MX1: variants seen among roughly 807,000 people sequenced by gnomAD.
MX1 encodes MX dynamin like GTPase 1, also known as interferon-induced GTP-binding protein Mx1.
In MX1, 66 loss-of-function variants were observed where a neutral mutation model predicts 66.4. The observed-to-expected ratio is 0.99, with a 90% CI of 0.82 to 1.22. The LOEUF (loss-of-function observed/expected upper bound fraction) is 1.22. Among genes scored for constraint, MX1 ranks in the 50% most tolerant of loss-of-function variants. The pLI is 0.00. For synonymous variants in MX1, 311 were observed against 318.1 expected (o/e 0.98, Z 0.24); for missense variants, 787 against 834.3 (o/e 0.94, Z 0.70).
intron 8 of MX1, 150 bp from the exon 9 acceptor site, chr21:41,440,737 G>A (rs2090483391): frequency 1.1e-6 from 1 of 881,642 alleles, no homozygotes; most frequent in Non-Finnish European, 1.8e-6. Flanking sequence ...CCAGGGTTGT[G>A]TTTGTGGGTT....
chr21:41,428,820 A>G (rs1454130193), intron 3 of MX1: 1 of 152,262 alleles, frequency 6.6e-6, no homozygotes, highest in African/African-American at 2.4e-5. Flanking sequence ...AATGCTACCT[A>G]GTGAGTGCCT....
upstream of MX1, among the ~76,000 whole-genome samples, chr21:41,425,359 G>A (rs1028849374): frequency 5.3e-5 from 8 of 152,180 alleles, no homozygotes; most frequent in Non-Finnish European, 1.0e-4. Context: ...CTCAAGGGTG[G>A]GGAGAATTAC....
rs935840761 is a variant in MX1 at position 41,441,131 on chromosome 21, G to T, written c.730+106G>T. 1.1e-5 allele frequency: 12 copies of T among 1,132,620 alleles called. No homozygotes were observed. The highest frequency in any genetic ancestry group is 1.5e-5 in the Non-Finnish European group (12 of 808,410). The allele number at this position is 1,132,620 out of a possible 1,614,324, so 70.2% of individuals were successfully genotyped here. A position where few individuals can be genotyped will look rare whatever the true frequency, so the allele number is the denominator to read the frequency against. ...GTGCTCGGTGAGAATGGGGGAGCCC[G>T]CCTGTGCTCGGTGAGAATGGGGGAG... On this transcript the variant is annotated intron_variant, in intron 9 of 16. Coordinates refer to ENST00000398598, the MANE Select transcript of MX1 (RefSeq NM_002462.5). The surrounding 1 kb of genome is among the most constrained non-coding windows in gnomAD (Gnocchi z 4.0).
chr21:41,441,237 A>G lies in MX1; in HGVS notation c.730+212A>G. 1.5e-6 allele frequency: 1 copy of G among 653,132 alleles called. No individual in the cohort carries two copies. The highest frequency in any genetic ancestry group is 2.5e-6 in the Non-Finnish European group (1 of 402,278). 40.5% of individuals were successfully genotyped at this position (653,132 alleles called of 1,614,324 possible). Reference sequence around the variant, plus strand: ...CTTTGCTCAGTGGGGACCTGCCTCCACTAAGACCTGCTAAGGGAGCAGGTT... The same window carrying G: ...CTTTGCTCAGTGGGGACCTGCCTCCGCTAAGACCTGCTAAGGGAGCAGGTT... On this transcript the variant is annotated intron_variant, in intron 9 of 16. Coordinates refer to ENST00000398598, the MANE Select transcript of MX1 (RefSeq NM_002462.5). This position sits in a 1 kb window ranked among gnomAD's most constrained non-coding sequence, Gnocchi z 4.0.
chr21:41,441,055 G>T lies in MX1; in HGVS notation c.730+30G>T. The stretch of plus-strand genomic sequence containing the variant: ...GAGTGGGGGAGCCCCACTGTGCTCA[G>T]TGAGAATGGGGGAGCCCGCCTGTGC... On this transcript the variant is annotated intron_variant, in intron 9 of 16. Coordinates refer to ENST00000398598, the MANE Select transcript of MX1 (RefSeq NM_002462.5). The surrounding 1 kb of genome is among the most constrained non-coding windows in gnomAD (Gnocchi z 4.0). 2 of 1,504,062 alleles carry T rather than the reference G, an allele frequency of 1.3e-6. No individual in the cohort carries two copies. Among genetic ancestry groups the T allele is most frequent in the East Asian group, 2.3e-5 (1 of 44,242 alleles). 93.2% of individuals were successfully genotyped at this position (1,504,062 alleles called of 1,614,324 possible).
At chr21:41,455,066 T>C (rs1342010682) in intron 16 of MX1, among the ~76,000 whole-genome samples, 4 of 152,140 alleles carry the variant, frequency 2.6e-5, no homozygotes, top group Admixed American at 6.5e-5. Flanking sequence ...CTTGCCACCA[T>C]GCCTAGCTAT....
intron 6 of MX1, 125 bp from the exon 7 acceptor site, chr21:41,436,890 A>G: frequency 8.2e-7 from 1 of 1,221,696 alleles, no homozygotes; most frequent in Non-Finnish European, 1.1e-6. Flanking sequence ...GGGTAAGACC[A>G]GAAAGTTTCC....
At chr21:41,444,639 G>A (rs181075690) in intron 11 of MX1, among the ~76,000 whole-genome samples, 1 of 152,172 alleles carries the variant, frequency 6.6e-6, no homozygotes, top group African/African-American at 2.4e-5. Context: ...AGCCGACCAT[G>A]ATGAGTGCAG....
chr21:41,434,882 G>C (rs1425735496), intron 5 of MX1, among the ~76,000 whole-genome samples: 1 of 152,196 alleles, frequency 6.6e-6, no homozygotes, highest in South Asian at 2.1e-4. Flanking sequence ...CCTTTGTATA[G>C]ATCCAGATTT....
chr21:41,428,360 T>G (rs1277976413), intron 3 of MX1: 1 of 146,528 alleles, frequency 6.8e-6, no homozygotes, highest in Non-Finnish European at 1.5e-5. Flanking sequence ...GAGCAGACAT[T>G]CACAGTACAA....
At chr21:41,458,376 G>A (rs1461116217) in intron 16 of MX1, 152 bp from the exon 17 acceptor site, 16 of 828,248 alleles carry the variant, frequency 1.9e-5, no homozygotes, top group Non-Finnish European at 2.8e-5. Context: ...CCATGGAGGA[G>A]ATTGATGGGT....
chr21:41,422,353 C>T (rs191354579), upstream of MX1, among the ~76,000 whole-genome samples: 6 of 152,288 alleles, frequency 3.9e-5, no homozygotes, highest in East Asian at 3.9e-4. Flanking sequence ...TAATCCACCC[C>T]GTGTTTAGCA....
Position 41,459,159 on chromosome 21 carries a change from G to A in MX1, c.*401G>A, listed in dbSNP as rs372592251. On this transcript the variant is annotated 3_prime_UTR_variant, in exon 17 of 17. Coordinates refer to ENST00000398598, the MANE Select transcript of MX1 (RefSeq NM_002462.5). ...TTAGGAGCATGAGTGCCGTGTGTGT[G>A]CGTCCTGTCGGAGCCCTGTCTCCTC... 2.0e-4 allele frequency: 46 copies of A among 226,888 alleles called. No homozygotes were observed. Among genetic ancestry groups the A allele is most frequent in the Admixed American group, 3.7e-4 (7 of 19,052 alleles). 14.1% of individuals were successfully genotyped at this position (226,888 alleles called of 1,614,324 possible). A position where few individuals can be genotyped will look rare whatever the true frequency, so the allele number is the denominator to read the frequency against.
chr21:41,452,158 A>C (rs1211285667), intron 15 of MX1, among the ~76,000 whole-genome samples: 1 of 152,192 alleles, frequency 6.6e-6, no homozygotes, highest in Non-Finnish European at 1.5e-5. Context: ...CAAGGCCTGG[A>C]GGGTCCAGGG....
intron 5 of MX1, 36 bp downstream of exon 5, chr21:41,432,211 A>G (rs2090237101): frequency 2.5e-6 from 4 of 1,592,758 alleles, no homozygotes; most frequent in Non-Finnish European, 3.4e-6. Flanking sequence ...TCCATGTGAC[A>G]TGAGCCATGC....
chr21:41,436,981 A>G (rs1317838669), intron 6 of MX1, 34 bp from the exon 7 acceptor site: 5 of 1,611,118 alleles, frequency 3.1e-6, no homozygotes, highest in Non-Finnish European at 3.4e-6. Context: ...TTTTAAGAGC[A>G]AAGTGGAGCA....
Position 41,458,730 on chromosome 21 carries a change from G to T in MX1, c.1961G>T (p.Arg654Leu). 1.2e-6 allele frequency: 2 copies of T among 1,613,306 alleles called. No homozygotes were observed. Among genetic ancestry groups the T allele is most frequent in the South Asian group, 1.1e-5 (1 of 91,072 alleles). Residue 654 changes from arginine (R) to leucine (L), a missense_variant, in exon 17 of 17, where the codon CGG becomes CTG. By Grantham distance (102) the Arg-to-Leu change is moderately radical (BLOSUM62 -2). Transcript: ENST00000398598. ...KERLARLTQA[R>L]RRLAQFPG Reference sequence around the variant, plus strand: ...CGGCTTGCACGGCTGACGCAGGCTCGGCGCCGGCTTGCCCAGTTCCCCGGT... The same window carrying T: ...CGGCTTGCACGGCTGACGCAGGCTCTGCGCCGGCTTGCCCAGTTCCCCGGT...
intron 5 of MX1, among the ~76,000 whole-genome samples, chr21:41,432,539 T>C (rs2090248877): frequency 6.6e-6 from 1 of 152,206 alleles, no homozygotes; most frequent in Non-Finnish European, 1.5e-5. Flanking sequence ...CATTAAGATA[T>C]TATCTTTGTA....
rs750970277 is a variant in MX1 at position 41,441,840 on chromosome 21, G to A, written c.855G>A (p.Glu285=). ...TTGTCAAGTGCCGGGGCCAGCAGGAGATCCAGGACCAGCTGAGCCTGTCCG... is the reference window on the plus strand; with the variant it reads ...TTGTCAAGTGCCGGGGCCAGCAGGAAATCCAGGACCAGCTGAGCCTGTCCG... The part of the protein sequence containing the change: ...YMIVKCRGQQ[E]IQDQLSLSEA... The change falls in exon 10 of 17, where the codon GAG becomes GAA. Residue 285 remains glutamate (E), a synonymous_variant. Coordinates refer to ENST00000398598, the MANE Select transcript of MX1 (RefSeq NM_002462.5). The surrounding 1 kb of genome is among the most constrained non-coding windows in gnomAD (Gnocchi z 4.0). 7.4e-6 allele frequency: 12 copies of A among 1,614,096 alleles called. No homozygotes were observed. The highest frequency in any genetic ancestry group is 1.0e-5 in the Non-Finnish European group (12 of 1,180,050).
Sources: allele counts gnomAD v4.1 joint callset (sites outside exome capture counted in the v4.1 genomes callset), GRCh38; gene constraint gnomAD v4.1.1; non-coding constraint Gnocchi (gnomAD v3.1); transcripts MANE v1.5; gene names NCBI Gene and HGNC (gene_info 2026-07-23, HGNC 2026-07-21).